The following CDH4 variants were observed in gnomAD, a reference collection of about 807,000 sequenced individuals.
The protein encoded by CDH4 is cadherin-4.
CDH4 carries 33 observed loss-of-function variants against 86.0 expected under a neutral mutation model. The observed-to-expected ratio is 0.38, with a 90% CI of 0.29 to 0.51. CDH4 has a LOEUF of 0.51. Ranked by LOEUF, CDH4 falls within the 20% of genes least tolerant of loss-of-function variation. The pLI, the probability that CDH4 is intolerant of heterozygous loss-of-function variation, is 0.86. For synonymous variants in CDH4, 555 were observed against 549.4 expected, an observed-to-expected ratio of 1.01 and a Z score of -0.14; for missense variants, 1,114 against 1,307.4, an observed-to-expected ratio of 0.85 and a Z score of 2.28.
intron 2 of CDH4, among the ~76,000 whole-genome samples, chr20:61,421,400 T>A (rs1189774634): frequency 1.3e-5 from 2 of 152,212 alleles, no homozygotes; most frequent in Admixed American, 6.5e-5. Flanking sequence ...AGACGTAATT[T>A]TGATCAAAAG....
rs568616345 is a variant in CDH4, at chr20:61,452,621, T to G, written c.169+197684T>G. On this transcript the variant is annotated intron_variant, in intron 2 of 15. Transcript: ENST00000614565. ...TGAGTTTTGCTATTTATTCAGTTTT[T>G]AAATTTTTCCAATTGTTGAAGAGTT... Among the ~76,000 whole-genome samples, 13 of 152,340 alleles carry G rather than the reference T, an allele frequency of 8.5e-5. No individual in the cohort carries two copies. In the East Asian group the frequency reaches 2.5e-3, roughly 29 times the overall value.
At chr20:61,737,686 G>A (rs2088281673) in intron 2 of CDH4, among the ~76,000 whole-genome samples, 1 of 152,198 alleles carries the variant, frequency 6.6e-6, no homozygotes, top group African/African-American at 2.4e-5. Context: ...GCCACTGAAG[G>A]ATGCCACAGG....
chr20:61,931,807 G>A (rs1480498209), intron 13 of CDH4, among the ~76,000 whole-genome samples: 4 of 152,284 alleles, frequency 2.6e-5, no homozygotes, highest in Non-Finnish European at 5.9e-5. Context: ...GAAGAATCCA[G>A]TTCAGCTTGG....
At chr20:61,820,397 G>A (rs771930796) in intron 4 of CDH4, among the ~76,000 whole-genome samples, 26 of 152,340 alleles carry the variant, frequency 1.7e-4, no homozygotes, top group African/African-American at 5.3e-4. Context: ...ACGCAGCTGC[G>A]GGCCTCCGGG....
At chr20:61,337,114 T>G (rs1275180069) in intron 2 of CDH4, among the ~76,000 whole-genome samples, 1 of 151,882 alleles carries the variant, frequency 6.6e-6, no homozygotes, top group African/African-American at 2.4e-5. Flanking sequence ...CTGCTTTCCC[T>G]CTCTGAGTGA....
At chr20:61,505,225 G>A (rs1028548810) in intron 2 of CDH4, among the ~76,000 whole-genome samples, 3 of 152,192 alleles carry the variant, frequency 2.0e-5, no homozygotes, top group African/African-American at 7.2e-5. Context: ...GTTAAATGAA[G>A]ACGAGAGCAG....
Position 61,538,298 on chromosome 20 carries a change from GAGA to G in CDH4, c.170-205262_170-205260del, listed in dbSNP as rs1402465059. On this transcript the variant is annotated intron_variant, in intron 2 of 15. Coordinates refer to ENST00000614565, the MANE Select transcript of CDH4 (RefSeq NM_001794.5). ...CCTCCAGCTGTGCCCGTCACTCTGG[GAGA>G]AGGACACCTGCCATCTCCCCTCCCC... is the stretch of plus-strand genomic sequence containing the variant. 2.6e-5 allele frequency among the ~76,000 whole-genome samples: 4 copies of G among 152,146 alleles called. No homozygotes were observed. In the East Asian group the frequency reaches 7.7e-4, roughly 29 times the overall value.
At chr20:61,513,274 G>C (rs1833676538) in intron 2 of CDH4, among the ~76,000 whole-genome samples, 1 of 152,210 alleles carries the variant, frequency 6.6e-6, no homozygotes, top group African/African-American at 2.4e-5. Context: ...GATGCCACAA[G>C]GCTGCTGGGC....
intron 4 of CDH4, among the ~76,000 whole-genome samples, chr20:61,779,813 C>A (rs1183297590): frequency 6.6e-6 from 1 of 152,230 alleles, no homozygotes; most frequent in East Asian, 1.9e-4. Flanking sequence ...GTGCCGGAGA[C>A]CCCTCTCTGG....
chr20:61,859,916 G>A (rs959548227), intron 6 of CDH4, among the ~76,000 whole-genome samples: 2 of 152,246 alleles, frequency 1.3e-5, no homozygotes, highest in Non-Finnish European at 2.9e-5. Flanking sequence ...CCCCTCCTCA[G>A]CAGGCAGGGG....
chr20:61,734,183 C>T (rs1387987538), intron 2 of CDH4, among the ~76,000 whole-genome samples: 3 of 152,248 alleles, frequency 2.0e-5, no homozygotes, highest in East Asian at 1.9e-4. Context: ...GCCGTGCACG[C>T]GTGAGACTGG....
chr20:61,335,134 G>A (rs190834755), intron 2 of CDH4, among the ~76,000 whole-genome samples: 26 of 152,290 alleles, frequency 1.7e-4, no homozygotes, highest in East Asian at 9.7e-4. Flanking sequence ...AGGAGGTCTC[G>A]CGGCCATTGA....
In CDH4 at chr20:61,908,196, C is replaced by T. The variant is rs532540969; in HGVS notation, c.1189-2226C>T. On this transcript the variant is annotated intron_variant, in intron 8 of 15. Transcript: ENST00000614565. ...TTTTTCCATCCTTGACAAGGCAGCC[C>T]GTTGGTGTGGGCTCTGAATTCTTCT... 2.0e-5 allele frequency among the ~76,000 whole-genome samples: 3 copies of T among 152,286 alleles called. No individual in the cohort carries two copies. In the East Asian group the frequency reaches 5.8e-4, roughly 29 times the overall value.
At chr20:61,854,657 C>G (rs1283597319) in intron 6 of CDH4, among the ~76,000 whole-genome samples, 1 of 145,210 alleles carries the variant, frequency 6.9e-6, no homozygotes. Flanking sequence ...ACCCCCAGGG[C>G]TGCAGTGTGA....
chr20:61,923,233 C>T (rs1311706112), intron 9 of CDH4, among the ~76,000 whole-genome samples: 1 of 152,228 alleles, frequency 6.6e-6, no homozygotes. Context: ...CCTAGACCTC[C>T]TCCCTCTCTC....
At chr20:61,615,998 G>T (rs1357385653) in intron 2 of CDH4, among the ~76,000 whole-genome samples, 2 of 152,252 alleles carry the variant, frequency 1.3e-5, no homozygotes. Context: ...ATGGCCACGG[G>T]ATGAGGGACG....
At chr20:61,258,333 A>AAAAAAAAAAG (rs1568770330) in intron 2 of CDH4, among the ~76,000 whole-genome samples, 5 of 133,806 alleles carry the variant, frequency 3.7e-5, no homozygotes, top group Non-Finnish European at 4.8e-5. Flanking sequence ...CCGTCTCAAA[A>AAAAAAAAAAG]AAAAAAAAAA....
At chr20:61,894,829 C>A in intron 7 of CDH4, 81 bp from the exon 8 acceptor site, 1 of 1,470,918 alleles carries the variant, frequency 6.8e-7, no homozygotes, top group Non-Finnish European at 9.2e-7. Context: ...TTCCTGTAAA[C>A]GGATTTCTTT....
intron 2 of CDH4, among the ~76,000 whole-genome samples, chr20:61,534,662 TTTC>T (rs1168135466): frequency 1.9e-5 from 2 of 103,164 alleles, no homozygotes; most frequent in African/African-American, 1.1e-4. Flanking sequence ...TCTTTCTTTC[TTTC>T]TTTTTTTTTT....
Sources: gnomAD v4.1 joint callset for allele counts (sites outside exome capture counted in the v4.1 genomes callset) on GRCh38, gnomAD v4.1.1 for gene constraint, MANE v1.5 for transcripts, NCBI Gene and HGNC (gene_info 2026-07-23, HGNC 2026-07-21) for gene names.